The following LPP variants were observed in gnomAD, a reference collection of about 807,000 sequenced individuals.
LPP encodes lipoma-preferred partner.
LPP carries 38 observed loss-of-function variants against 60.4 expected under a neutral mutation model. That is an observed-to-expected ratio of 0.63 (90% CI 0.49 to 0.83). The LOEUF is 0.83. Ranked by LOEUF, LPP falls within the 40% of genes least tolerant of loss-of-function variation. The pLI is 0.00. For missense variants in LPP, 902 were observed against 783.6 expected, an observed-to-expected ratio of 1.15 and a Z score of -1.80; for synonymous variants, 328 against 290.8, an observed-to-expected ratio of 1.13 and a Z score of -1.30.
At chr3:188,568,467 G>A (rs76359828) in intron 6 of LPP, 1 of 151,948 alleles carries the variant, frequency 6.6e-6, no homozygotes, top group Non-Finnish European at 1.5e-5. Flanking sequence ...GACTTCCTAT[G>A]TGCTAGGGTT....
chr3:188,421,330 A>C (rs1278511040), intron 4 of LPP, among the ~76,000 whole-genome samples: 1 of 151,904 alleles, frequency 6.6e-6, no homozygotes, highest in Non-Finnish European at 1.5e-5. Flanking sequence ...GGGTAGAAAG[A>C]AAAAAGATCC....
In LPP at chr3:188,327,121, G is replaced by A. The variant is rs974609246; in HGVS notation, c.-66-14542G>A. 5.9e-5 allele frequency among the ~76,000 whole-genome samples: 9 copies of A among 152,140 alleles called. No individual in the cohort carries two copies. The South Asian group carries it at 1.2e-3, about 21-fold the overall frequency. On this transcript the variant is annotated intron_variant, in intron 2 of 11. Transcript: ENST00000617246. ...GTTTAGGAATTAATGTAGTGGCTGG[G>A]TCATGATTACAACACTGATTTCATT...
intron 2 of LPP, among the ~76,000 whole-genome samples, chr3:188,255,719 C>G (rs1296186775): frequency 6.6e-6 from 1 of 152,168 alleles, no homozygotes; most frequent in Non-Finnish European, 1.5e-5. Context: ...AAAATCTAGA[C>G]ATGCTTTCTT....
intron 7 of LPP, among the ~76,000 whole-genome samples, chr3:188,705,224 C>T (rs1309410800): frequency 3.3e-5 from 5 of 152,202 alleles, no homozygotes; most frequent in African/African-American, 1.2e-4. Context: ...CATTTCCGTA[C>T]CTGGTCTTTA....
intron 2 of LPP, among the ~76,000 whole-genome samples, chr3:188,308,379 G>A (rs188692414): frequency 3.0e-4 from 45 of 152,286 alleles, no homozygotes; most frequent in Admixed American, 4.6e-4. Flanking sequence ...ATGGGAATGT[G>A]AGTGACAATA....
Position 188,862,723 on chromosome 3 carries a change from ATAAATAAATAAATAAAAG to A in LPP, c.1411-3476_1411-3459del, listed in dbSNP as rs1560308322. 8.5e-5 allele frequency among the ~76,000 whole-genome samples: 9 copies of A among 106,004 alleles called. 2 individuals are homozygous for A. Among genetic ancestry groups the A allele is most frequent in the African/African-American group, 2.9e-4 (9 of 31,092 alleles). The allele number at this position is 106,004 out of a possible 152,430, so 69.5% of individuals were successfully genotyped here. The stretch of plus-strand genomic sequence containing the variant: ...GCAACCCTACTAGACAAAAAAATAA[ATAAATAAATAAATAAAAG>A]AAAAAAGAAAAGAAAGAAAGAAAAA... On this transcript the variant is annotated intron_variant, in intron 9 of 11. Coordinates refer to ENST00000617246, the MANE Select transcript of LPP (RefSeq NM_001375462.1).
At chr3:188,628,224 A>G (rs927197424) in intron 7 of LPP, among the ~76,000 whole-genome samples, 2 of 152,144 alleles carry the variant, frequency 1.3e-5, no homozygotes, top group African/African-American at 4.8e-5. Context: ...TCCAAAGTTG[A>G]TAGAAGAAAA....
chr3:188,683,656 GA>G (rs1415036736), intron 7 of LPP, among the ~76,000 whole-genome samples: 1 of 152,204 alleles, frequency 6.6e-6, no homozygotes, highest in Non-Finnish European at 1.5e-5. Context: ...GGCCCCAAAT[GA>G]AGGAAGACCC....
chr3:188,644,398 C>T (rs1239845161), intron 7 of LPP, among the ~76,000 whole-genome samples: 1 of 151,950 alleles, frequency 6.6e-6, no homozygotes, highest in Non-Finnish European at 1.5e-5. Flanking sequence ...TTTTGAACAC[C>T]CTAGTGGACT....
At chr3:188,320,505 AAGGAG>A (rs1428840225) in intron 2 of LPP, among the ~76,000 whole-genome samples, 2 of 152,200 alleles carry the variant, frequency 1.3e-5, no homozygotes, top group East Asian at 3.8e-4. Flanking sequence ...CTCCAATAGA[AAGGAG>A]AACACTTGGG....
chr3:188,512,408 C>T (rs754467795), intron 5 of LPP, among the ~76,000 whole-genome samples: 1 of 151,984 alleles, frequency 6.6e-6, no homozygotes, highest in Non-Finnish European at 1.5e-5. Flanking sequence ...CAAAATTAGC[C>T]AGGCGTGTTG....
At chr3:188,867,699 A>G (rs1026702044) in intron 10 of LPP, among the ~76,000 whole-genome samples, 3 of 152,166 alleles carry the variant, frequency 2.0e-5, no homozygotes, top group Non-Finnish European at 2.9e-5. Flanking sequence ...TGATCTGTAA[A>G]TGGTGGACTC....
chr3:188,885,742 C>T lies in LPP; in HGVS notation c.*11263C>T, dbSNP rs55672845. 0.032 allele frequency: 4,822 copies of T among 151,980 alleles called. 100 individuals carry two copies. The highest frequency in any genetic ancestry group is 0.049 in the Non-Finnish European group (3,340 of 67,838). 9.4% of individuals were successfully genotyped at this position (151,980 alleles called of 1,614,324 possible). On this transcript the variant is annotated 3_prime_UTR_variant, in exon 12 of 12. Coordinates refer to ENST00000617246, the MANE Select transcript of LPP (RefSeq NM_001375462.1). ...GACTTCCACAATGGTTGAACTAGTT[C>T]ACAGTCCCACCAACAGTGTAAAAGT...
At position 188,708,373 on chromosome 3, in the gene LPP, C is replaced by T; in HGVS notation, c.1220C>T (p.Pro407Leu). Residue 407 changes from proline to leucine, a missense_variant, in exon 8 of 12, where the codon CCA becomes CTA. By Grantham distance (98) the Pro-to-Leu change is moderately conservative (BLOSUM62 -3). Coordinates refer to ENST00000617246, the MANE Select transcript of LPP (RefSeq NM_001375462.1). ...TKKMLYDMEN[P>L]PADEYFGRCA... ...AAGATGCTGTATGACATGGAAAATCCACCTGCTGACGAATACTTTGGTGAG... is the reference window on the plus strand; with the variant it reads ...AAGATGCTGTATGACATGGAAAATCTACCTGCTGACGAATACTTTGGTGAG... The T allele has an allele frequency of 1.2e-6, 2 of 1,614,146 alleles. No homozygotes were observed. The highest frequency in any genetic ancestry group is 1.3e-5 in the African/African-American group (1 of 75,048).
chr3:188,494,617 C>G (rs1809396133), intron 5 of LPP, among the ~76,000 whole-genome samples: 1 of 152,074 alleles, frequency 6.6e-6, no homozygotes, highest in Non-Finnish European at 1.5e-5. Context: ...CTATGTATCT[C>G]AAACTCACTT....
chr3:188,603,852 C>T (rs1401115930), intron 6 of LPP, among the ~76,000 whole-genome samples: 3 of 152,102 alleles, frequency 2.0e-5, no homozygotes, highest in African/African-American at 7.2e-5. Context: ...TTTGTATATT[C>T]CTTGGCCATA....
At position 188,879,547 on chromosome 3, in the gene LPP, C is replaced by T. The variant is rs1769678211; in HGVS notation, c.*5068C>T. 5.2e-6 allele frequency: 1 copy of T among 193,396 alleles called. No homozygotes were observed. Among genetic ancestry groups the T allele is most frequent in the Non-Finnish European group, 1.1e-5 (1 of 92,716 alleles). The allele number at this position is 193,396 out of a possible 1,614,324, so 12.0% of individuals were successfully genotyped here. On this transcript the variant is annotated 3_prime_UTR_variant, in exon 12 of 12. Coordinates refer to ENST00000617246, the MANE Select transcript of LPP (RefSeq NM_001375462.1). ...ATGAATTTTCATCAGGGACTGAGGT[C>T]ATAGATTCTTGGAAAATTCATTTGT...
chr3:188,822,447 G>A (rs971536192), intron 9 of LPP, among the ~76,000 whole-genome samples: 6 of 152,030 alleles, frequency 3.9e-5, no homozygotes, highest in South Asian at 2.1e-4. Context: ...TGGGTCACCC[G>A]TGTGACATGG....
In LPP at chr3:188,880,746, A is replaced by T. The variant is rs747543411; in HGVS notation, c.*6267A>T. The T allele has an allele frequency of 2.2e-5, 4 of 184,162 alleles. No individual in the cohort carries two copies. The highest frequency in any genetic ancestry group is 3.5e-5 in the Non-Finnish European group (3 of 86,738). The allele number at this position is 184,162 out of a possible 1,614,324, so 11.4% of individuals were successfully genotyped here. A position where few individuals can be genotyped will look rare whatever the true frequency, so the allele number is the denominator to read the frequency against. On this transcript the variant is annotated 3_prime_UTR_variant, in exon 12 of 12. Coordinates refer to ENST00000617246, the MANE Select transcript of LPP (RefSeq NM_001375462.1). ...ACTTGGCACTGAATGTAGCTTCTAA[A>T]ATCAGTTCTCTACCCTACGAATGGA...
Sources: allele counts gnomAD v4.1 joint callset (sites outside exome capture counted in the v4.1 genomes callset), GRCh38; gene constraint gnomAD v4.1.1; transcripts MANE v1.5; gene names NCBI Gene and HGNC (gene_info 2026-07-23, HGNC 2026-07-21).